Variants in LPA observed in about 807,000 individuals in gnomAD.
LPA encodes lipoprotein(a), also known as apolipoprotein(a).
In LPA, 199 loss-of-function variants were observed where a neutral mutation model predicts 197.9. That is an observed-to-expected ratio of 1.01 (90% confidence interval 0.90 to 1.13). LPA has a LOEUF of 1.13. LPA is among the 50% of genes most tolerant of loss of function. The pLI is 0.00. For synonymous variants in LPA, 715 were observed against 639.5 expected (o/e 1.12, Z -1.78); for missense variants, 1,853 against 1,785.8 (o/e 1.04, Z -0.68).
chr6:160,611,536 T>C (rs575697111), intron 16 of LPA, 26 bp downstream of exon 16: 1 of 1,607,210 alleles, frequency 6.2e-7, no homozygotes, highest in Non-Finnish European at 8.5e-7. Flanking sequence ...CCCTTTATTC[T>C]CTTATGGTAA....
chr6:160,574,928 C>A (rs1778627701), intron 28 of LPA, among the ~76,000 whole-genome samples: 1 of 152,142 alleles, frequency 6.6e-6, no homozygotes, highest in Non-Finnish European at 1.5e-5. Flanking sequence ...CTGCCACGAT[C>A]CCTCACCTCT....
chr6:160,575,517 G>A (rs1006318747), intron 28 of LPA, among the ~76,000 whole-genome samples: 1 of 152,142 alleles, frequency 6.6e-6, no homozygotes, highest in African/African-American at 2.4e-5. Flanking sequence ...CTTCTGATGG[G>A]CAACTAATTT....
At chr6:160,582,122 G>T (rs554828122) in intron 26 of LPA, among the ~76,000 whole-genome samples, 1 of 152,124 alleles carries the variant, frequency 6.6e-6, no homozygotes, top group African/African-American at 2.4e-5. Flanking sequence ...ATTTTCAGTG[G>T]AATTGTTTGC....
chr6:160,597,317 C>G (rs1013961335), intron 20 of LPA, among the ~76,000 whole-genome samples: 1 of 152,176 alleles, frequency 6.6e-6, no homozygotes, highest in Non-Finnish European at 1.5e-5. Flanking sequence ...TTTCTCTCTT[C>G]AGTTGTGTCA....
Position 160,590,288 on chromosome 6 carries a change from T to A in LPA, c.3788-576A>T, listed in dbSNP as rs185882981. ...AAATCTTGGGCCCAGGATCCTGCAT[T>A]GCAACAAAGTAGACATCCACTACTC... On this transcript the variant is annotated intron_variant, in intron 23 of 38. Coordinates refer to ENST00000316300, the MANE Select transcript of LPA (RefSeq NM_005577.4). Among the ~76,000 whole-genome samples, 115 of 152,148 alleles carry A rather than the reference T, an allele frequency of 7.6e-4. 1 individual carries two copies. Among genetic ancestry groups the A allele is most frequent in the Non-Finnish European group, 3.8e-4 (26 of 68,028 alleles).
intron 30 of LPA, among the ~76,000 whole-genome samples, chr6:160,553,954 T>TGTGTGTGTGTGTGCGTGCGC (rs771903485): frequency 7.6e-6 from 1 of 130,748 alleles, no homozygotes; most frequent in South Asian, 2.5e-4. Context: ...TGTGTGTGTG[T>TGTGTGTGTGTGTGCGTGCGC]GCGCGCGCGC....
At position 160,595,266 on chromosome 6, in the gene LPA, G is replaced by T. The variant is rs1344572677; in HGVS notation, c.3469+88C>A. 2.0e-6 allele frequency: 3 copies of T among 1,498,630 alleles called. No homozygotes were observed. The African/African-American group carries it at 4.1e-5, about 21-fold the overall frequency. 92.8% of individuals were successfully genotyped at this position (1,498,630 alleles called of 1,614,324 possible). ...CCACATTCTACTTGGAATTGTGTGAGCATGGAAGGCTTCTATATCACTAAG... is the reference window on the plus strand; with the variant it reads ...CCACATTCTACTTGGAATTGTGTGATCATGGAAGGCTTCTATATCACTAAG... On this transcript the variant is annotated intron_variant, in intron 21 of 38. Transcript: ENST00000316300.
Position 160,646,219 on chromosome 6 carries a change from T to TCATCAAAAAA in LPA, c.385_386insTTTTTTGATG (p.Glu129ValfsTer3). 3 of 6,544 alleles carry TCATCAAAAAA rather than the reference T, an allele frequency of 4.6e-4. No individual in the cohort carries two copies. Among genetic ancestry groups the TCATCAAAAAA allele is most frequent in the South Asian group, 2.4e-3 (2 of 826 alleles). The allele number at this position is 6,544 out of a possible 1,614,324, so 0.4% of individuals were successfully genotyped here. A position where few individuals can be genotyped will look rare whatever the true frequency, so the allele number is the denominator to read the frequency against. Reference sequence around the variant, plus strand: ...TCTGGCCACAGACTCCTTACCTTGTTCGGAAGGAGCCTCTAGGCTTGGAAC... The same window carrying TCATCAAAAAA: ...TCTGGCCACAGACTCCTTACCTTGTTCATCAAAAAACGGAAGGAGCCTCTAGGCTTGGAAC... On this transcript the variant is annotated stop_gained and frameshift_variant, in exon 3 of 39. Coordinates refer to ENST00000316300, the MANE Select transcript of LPA (RefSeq NM_005577.4). LOFTEE classifies it high-confidence loss of function.
At chr6:160,573,719 C>T (rs1172742445) in intron 28 of LPA, among the ~76,000 whole-genome samples, 1 of 152,192 alleles carries the variant, frequency 6.6e-6, no homozygotes, top group Non-Finnish European at 1.5e-5. Context: ...CCTAGCAAGT[C>T]TACCCAGCTC....
chr6:160,655,772 G>C lies in LPA; in HGVS notation c.50-5275C>G, dbSNP rs145774913. On this transcript the variant is annotated intron_variant, in intron 1 of 38. Transcript: ENST00000316300. Reference sequence around the variant, plus strand: ...AAGTTCAGTGTGTTTGCTACTTCTTGCTCACTGTATCCAATCATCATAATG... The same window carrying C: ...AAGTTCAGTGTGTTTGCTACTTCTTCCTCACTGTATCCAATCATCATAATG... Among the ~76,000 whole-genome samples the C allele has an allele frequency of 3.9e-3, 590 of 152,296 alleles. 6 individuals carry two copies. The Middle Eastern group carries it at 0.041, about 11-fold the overall frequency.
intron 2 of LPA, among the ~76,000 whole-genome samples, chr6:160,646,873 A>AAC (rs1779891398): frequency 6.8e-6 from 1 of 147,810 alleles, no homozygotes; most frequent in Non-Finnish European, 1.5e-5. Context: ...CTTCAGAGAA[A>AAC]ACATGGCATC....
intron 1 of LPA, among the ~76,000 whole-genome samples, chr6:160,654,903 T>G (rs1675966214): frequency 6.6e-6 from 1 of 152,278 alleles, no homozygotes; most frequent in South Asian, 2.1e-4. Context: ...TCCTTAGTCT[T>G]CCCTTCCTCT....
rs551121599 is a variant in LPA, at chr6:160,545,111, G to C, written c.5398+329C>G. Among the ~76,000 whole-genome samples the C allele has an allele frequency of 2.2e-4, 34 of 151,828 alleles. No individual in the cohort carries two copies. In the Middle Eastern group the frequency reaches 0.024, roughly 106 times the overall value. Reference sequence around the variant, plus strand: ...TTTTCATCATAATGACTCTAAATTTGTTTTTCATGCATCCCACGCTAGACA... The same window carrying C: ...TTTTCATCATAATGACTCTAAATTTCTTTTTCATGCATCCCACGCTAGACA... On this transcript the variant is annotated intron_variant, in intron 33 of 38. Coordinates refer to ENST00000316300, the MANE Select transcript of LPA (RefSeq NM_005577.4).
intron 28 of LPA, among the ~76,000 whole-genome samples, chr6:160,561,784 A>C (rs187178788): frequency 2.8e-4 from 42 of 152,268 alleles, no homozygotes; most frequent in Admixed American, 2.4e-3. Flanking sequence ...GAGGTCCTTC[A>C]CATCCCTTGT....
At chr6:160,558,667 C>A (rs1027459652) in intron 28 of LPA, among the ~76,000 whole-genome samples, 10 of 152,090 alleles carry the variant, frequency 6.6e-5, no homozygotes, top group Non-Finnish European at 2.9e-5. Context: ...TCATAAAGGG[C>A]GATGGCTGGG....
chr6:160,556,925 T>C (rs1778274426), intron 29 of LPA, among the ~76,000 whole-genome samples: 1 of 152,130 alleles, frequency 6.6e-6, no homozygotes, highest in African/African-American at 2.4e-5. Context: ...TTCTGTGGTA[T>C]TTACTGCCAA....
chr6:160,595,490 G>A lies in LPA; in HGVS notation c.3333C>T (p.Arg1111=), dbSNP rs199876131. The A allele has an allele frequency of 3.7e-6, 6 of 1,613,854 alleles. No individual in the cohort carries two copies. The East Asian group carries it at 1.1e-4, about 30-fold the overall frequency. The stretch of plus-strand genomic sequence containing the variant: ...TGGGATCCATGGTGTAACACCAAGG[G>A]CGAATCTCAGCATCTGGATTCCTGC... ...NYCRNPDAEI[R]PWCYTMDPSV... Residue 1111 remains arginine, a synonymous_variant, in exon 21 of 39, where the codon CGC becomes CGT. Coordinates refer to ENST00000316300, the MANE Select transcript of LPA (RefSeq NM_005577.4).
At position 160,650,479 on chromosome 6, in the gene LPA, T is replaced by C. The variant is rs570996250; in HGVS notation, c.68A>G (p.His23Arg). ...FLKSAAPEQS[H>R]VVQDCYHGDG... The stretch of plus-strand genomic sequence containing the variant: ...ACCATGGTAGCAATCCTGGACCACA[T>C]GGCTTTGCTCAGGTGCTGCTAAAAT... The change falls in exon 2 of 39, where the codon CAT (histidine) becomes CGT (arginine). Residue 23 changes from histidine (H) to arginine (R), a missense_variant. By Grantham distance (29) the His-to-Arg change is conservative. Transcript: ENST00000316300. The C allele has an allele frequency of 9.9e-6, 16 of 1,613,696 alleles. No individual in the cohort carries two copies. Among genetic ancestry groups the C allele is most frequent in the East Asian group, 8.9e-5 (4 of 44,860 alleles).
rs534873982 is a variant in LPA at position 160,662,770 on chromosome 6, T to C, written c.49+1396A>G. Among the ~76,000 whole-genome samples, 14 of 152,358 alleles carry C rather than the reference T, an allele frequency of 9.2e-5. No homozygotes were observed. The South Asian group carries it at 2.9e-3, about 32-fold the overall frequency. On this transcript the variant is annotated intron_variant, in intron 1 of 38. Coordinates refer to ENST00000316300, the MANE Select transcript of LPA (RefSeq NM_005577.4). ...GGCTTCCACTAAATTCAAATGTGTT[T>C]GACTTTAAAGTCAACTTGTAAAATT...
Sources: allele counts gnomAD v4.1 joint callset (sites outside exome capture counted in the v4.1 genomes callset), GRCh38; gene constraint gnomAD v4.1.1; transcripts MANE v1.5; gene names NCBI Gene and HGNC (gene_info 2026-07-23, HGNC 2026-07-21).